The following AGBL4 variants were observed in gnomAD, a reference collection of about 807,000 sequenced individuals.
AGBL4 encodes the protein AGBL carboxypeptidase 4.
AGBL4 carries 58 observed loss-of-function variants against 66.4 expected under a neutral mutation model. The observed-to-expected ratio is 0.87, with a 90% CI of 0.71 to 1.09. The LOEUF (loss-of-function observed/expected upper bound fraction) is 1.09. Among genes scored for constraint, AGBL4 ranks in the 50% least tolerant of loss-of-function variants. The pLI is 0.00. For synonymous variants in AGBL4, 234 were observed against 222.9 expected, an observed-to-expected ratio of 1.05 and a Z score of -0.44; for missense variants, 579 against 631.0, an observed-to-expected ratio of 0.92 and a Z score of 0.88.
chr1:48,775,690 G>T (rs1246411471), intron 6 of AGBL4, among the ~76,000 whole-genome samples: 1 of 152,186 alleles, frequency 6.6e-6, no homozygotes, highest in Admixed American at 6.5e-5. Flanking sequence ...AGGTGTCTCA[G>T]CATGGCAGGA....
At chr1:49,321,550 C>A (rs1206195442) in intron 3 of AGBL4, among the ~76,000 whole-genome samples, 1 of 152,134 alleles carries the variant, frequency 6.6e-6, no homozygotes, top group African/African-American at 2.4e-5. Flanking sequence ...TTTATATATC[C>A]TGTGACCCAA....
intron 4 of AGBL4, among the ~76,000 whole-genome samples, chr1:49,243,923 G>A (rs976342523): frequency 2.0e-5 from 3 of 151,798 alleles, no homozygotes; most frequent in Non-Finnish European, 4.4e-5. Flanking sequence ...TCCAATGACT[G>A]GATAACGGCT....
chr1:49,182,179 T>A (rs1395456310), intron 4 of AGBL4, among the ~76,000 whole-genome samples: 1 of 152,196 alleles, frequency 6.6e-6, no homozygotes, highest in Non-Finnish European at 1.5e-5. Flanking sequence ...AGAATGACCA[T>A]CCTTAGAAGT....
intron 11 of AGBL4, among the ~76,000 whole-genome samples, chr1:48,551,654 C>A (rs1336996859): frequency 2.0e-5 from 3 of 152,028 alleles, no homozygotes; most frequent in Non-Finnish European, 4.4e-5. Flanking sequence ...TTGTAAAATT[C>A]TGTGTTTTCT....
chr1:49,202,734 CA>C (rs908838075), intron 4 of AGBL4, among the ~76,000 whole-genome samples: 1 of 151,254 alleles, frequency 6.6e-6, no homozygotes, highest in African/African-American at 2.4e-5. Flanking sequence ...AAAAGCACAG[CA>C]AAAAAAGCAA....
chr1:48,761,596 A>T (rs1163151680), intron 6 of AGBL4: 2 of 995,800 alleles, frequency 2.0e-6, no homozygotes, highest in Non-Finnish European at 2.9e-6. Context: ...GGAAAAACAA[A>T]CAGACTCAAG....
chr1:50,021,342 G>C (rs1662429832), intron 1 of AGBL4, among the ~76,000 whole-genome samples: 1 of 152,084 alleles, frequency 6.6e-6, no homozygotes, highest in African/African-American at 2.4e-5. Context: ...TTATTTCTAT[G>C]TCAAAATAAT....
At position 49,663,548 on chromosome 1, in the gene AGBL4, T is replaced by A. The variant is rs546154381; in HGVS notation, c.282+33765A>T. Among the ~76,000 whole-genome samples, 4 of 152,142 alleles carry A rather than the reference T, an allele frequency of 2.6e-5. No homozygotes were observed. In the South Asian group the frequency reaches 6.2e-4, roughly 24 times the overall value. On this transcript the variant is annotated intron_variant, in intron 3 of 13. Coordinates refer to ENST00000371839, the MANE Select transcript of AGBL4 (RefSeq NM_032785.4). ...ACCACCAGCCAACCAGGAATCTGCA[T>A]TGAATTATTATATGAGTGATTAATA...
At chr1:48,998,950 A>G (rs569487252) in intron 5 of AGBL4, among the ~76,000 whole-genome samples, 2 of 152,358 alleles carry the variant, frequency 1.3e-5, no homozygotes, top group Admixed American at 1.3e-4. Context: ...GATAAGTCCC[A>G]CATGTACCCA....
intron 1 of AGBL4, among the ~76,000 whole-genome samples, chr1:49,940,179 C>G (rs1416009558): frequency 3.3e-5 from 5 of 151,956 alleles, no homozygotes; most frequent in African/African-American, 1.2e-4. Flanking sequence ...TTAGAATGGC[C>G]ATCATTAAAA....
At chr1:49,343,054 C>T (rs960708019) in intron 3 of AGBL4, among the ~76,000 whole-genome samples, 14 of 152,098 alleles carry the variant, frequency 9.2e-5, no homozygotes, top group Admixed American at 6.6e-4. Context: ...ATTTAAAAGA[C>T]CTTTATGCTT....
intron 3 of AGBL4, among the ~76,000 whole-genome samples, chr1:49,645,733 T>G (rs1011915305): frequency 6.2e-5 from 9 of 145,950 alleles, no homozygotes; most frequent in Admixed American, 2.1e-4. Context: ...GAAAACACAC[T>G]CATATACCCC....
At chr1:49,335,739 T>A (rs1203142509) in intron 3 of AGBL4, among the ~76,000 whole-genome samples, 1 of 152,070 alleles carries the variant, frequency 6.6e-6, no homozygotes. Context: ...ATGGTCTCAA[T>A]CTCCTGACCT....
chr1:49,733,007 C>A (rs973214437), intron 2 of AGBL4, among the ~76,000 whole-genome samples: 2 of 151,794 alleles, frequency 1.3e-5, no homozygotes, highest in Non-Finnish European at 2.9e-5. Context: ...ATATTAAAAA[C>A]AGGGAAATAT....
intron 4 of AGBL4, among the ~76,000 whole-genome samples, chr1:49,092,059 T>G (rs1487439303): frequency 1.3e-5 from 2 of 151,946 alleles, no homozygotes; most frequent in Non-Finnish European, 2.9e-5. Flanking sequence ...AGGGAGAGGA[T>G]AGAGAAACTA....
intron 3 of AGBL4, among the ~76,000 whole-genome samples, chr1:49,397,980 C>T (rs560070809): frequency 1.5e-4 from 23 of 152,290 alleles, no homozygotes; most frequent in African/African-American, 5.5e-4. Flanking sequence ...AAAAAGGCTA[C>T]AAGTACTGTG....
At chr1:49,638,770 T>C (rs955020317) in intron 3 of AGBL4, among the ~76,000 whole-genome samples, 2 of 152,134 alleles carry the variant, frequency 1.3e-5, no homozygotes, top group Non-Finnish European at 2.9e-5. Context: ...GAACCATGAG[T>C]CCACTAAACC....
chr1:49,193,438 T>C (rs968816614), intron 4 of AGBL4, among the ~76,000 whole-genome samples: 3 of 152,124 alleles, frequency 2.0e-5, no homozygotes, highest in African/African-American at 4.8e-5. Flanking sequence ...AATTTCTATA[T>C]TAATTTCATC....
At chr1:49,028,331 C>T (rs1005146635) in intron 5 of AGBL4, among the ~76,000 whole-genome samples, 3 of 152,136 alleles carry the variant, frequency 2.0e-5, no homozygotes, top group Non-Finnish European at 4.4e-5. Context: ...ACAATTATTG[C>T]CCCTAGAGAA....
Sources: gnomAD v4.1 joint callset for allele counts (sites outside exome capture counted in the v4.1 genomes callset) on GRCh38, gnomAD v4.1.1 for gene constraint, MANE v1.5 for transcripts, NCBI Gene and HGNC (gene_info 2026-07-23, HGNC 2026-07-21) for gene names.